The following SERINC1 variants were observed in gnomAD, a reference collection of about 807,000 sequenced individuals.
The protein encoded by SERINC1 is serine incorporator 1, also known as tumor differentially expressed protein 2.
In SERINC1, 38 loss-of-function variants were observed where a neutral mutation model predicts 52.9. That is an observed-to-expected ratio of 0.72 (90% CI 0.55 to 0.94). SERINC1 has a LOEUF of 0.94. Ranked by LOEUF, SERINC1 falls within the 40% of genes least tolerant of loss-of-function variation. SERINC1 has a pLI of 0.00. For synonymous variants in SERINC1, 198 were observed against 183.1 expected (o/e 1.08, Z -0.66); for missense variants, 471 against 533.9 (o/e 0.88, Z 1.16).
chr6:122,471,521 C>G (rs776094057), intron 1 of SERINC1, among the ~76,000 whole-genome samples, 178 bp downstream of exon 1: 5 of 152,172 alleles, frequency 3.3e-5, no homozygotes, highest in East Asian at 1.9e-4. Flanking sequence ...TCGCAAGACC[C>G]AAAGCTCTGA....
chr6:122,462,661 G>T (rs1038352073), intron 1 of SERINC1, among the ~76,000 whole-genome samples: 1 of 151,898 alleles, frequency 6.6e-6, no homozygotes, highest in East Asian at 1.9e-4. Context: ...AATGCAACTA[G>T]AACTAACTCA....
chr6:122,448,163 A>G (rs1774840449), intron 7 of SERINC1, among the ~76,000 whole-genome samples: 1 of 152,060 alleles, frequency 6.6e-6, no homozygotes, highest in Non-Finnish European at 1.5e-5. Context: ...TCTAAAATAC[A>G]TATTTTTCTC....
chr6:122,445,799 T>C (rs1211588700), intron 9 of SERINC1, among the ~76,000 whole-genome samples: 3 of 86,572 alleles, frequency 3.5e-5, no homozygotes, highest in African/African-American at 1.2e-4. Flanking sequence ...GGCAGGAGAA[T>C]GGCGTGAACC....
chr6:122,451,478 C>A (rs1774902614), intron 7 of SERINC1, among the ~76,000 whole-genome samples, 186 bp downstream of exon 7: 1 of 151,880 alleles, frequency 6.6e-6, no homozygotes, highest in African/African-American at 2.4e-5. Flanking sequence ...ATACATGTAA[C>A]CTTCTTATAA....
At chr6:122,463,069 G>A (rs1291511622) in intron 1 of SERINC1, among the ~76,000 whole-genome samples, 3 of 152,188 alleles carry the variant, frequency 2.0e-5, no homozygotes, top group Non-Finnish European at 4.4e-5. Context: ...GCATTAAAGT[G>A]ACAGTAATTA....
intron 9 of SERINC1, among the ~76,000 whole-genome samples, 171 bp from the exon 10 acceptor site, chr6:122,445,350 G>A (rs1453263661): frequency 3.9e-5 from 6 of 152,256 alleles, no homozygotes; most frequent in East Asian, 1.9e-4. Flanking sequence ...TAGTGTGAAG[G>A]TAAAAATCTG....
chr6:122,471,675 C>A (rs773447067), intron 1 of SERINC1, 24 bp downstream of exon 1: 4 of 1,614,040 alleles, frequency 2.5e-6, no homozygotes. Context: ...ACTAGCACCC[C>A]AGAGGCCGCA....
chr6:122,445,630 G>T (rs1774778963), intron 9 of SERINC1, among the ~76,000 whole-genome samples: 1 of 110,148 alleles, frequency 9.1e-6, no homozygotes, highest in Non-Finnish European at 1.7e-5. Flanking sequence ...CTTAAAAAAA[G>T]AAAGAATTAA....
At chr6:122,450,561 C>G (rs1302966633) in intron 7 of SERINC1, among the ~76,000 whole-genome samples, 1 of 152,140 alleles carries the variant, frequency 6.6e-6, no homozygotes, top group African/African-American at 2.4e-5. Flanking sequence ...TTTTGTAAGG[C>G]TATAGCTGCC....
chr6:122,457,757 C>G (rs1410941530), intron 2 of SERINC1, among the ~76,000 whole-genome samples: 1 of 151,872 alleles, frequency 6.6e-6, no homozygotes, highest in Non-Finnish European at 1.5e-5. Flanking sequence ...TTAAGCCACC[C>G]AGCCTATGAT....
rs1775041365 is a variant in SERINC1, at chr6:122,458,541, T to G, written c.180A>C (p.Gly60=). ...TAACCTTATTCAGTTGTTCTTCCAT[T>G]CCTGGTATCAACATTACACAAGCTA... is the stretch of plus-strand genomic sequence containing the variant. The part of the protein sequence containing the change: ...VCVACVMLIP[G]MEEQLNKIPG... The change falls in exon 2 of 10, where the codon GGA becomes GGC. Residue 60 remains glycine (G), a synonymous_variant. Transcript: ENST00000339697. 1 of 1,612,966 alleles carries G rather than the reference T, an allele frequency of 6.2e-7. No homozygotes were observed. The highest frequency in any genetic ancestry group is 1.7e-5 in the Admixed American group (1 of 59,958).
intron 2 of SERINC1, among the ~76,000 whole-genome samples, chr6:122,457,824 C>T (rs1582634446): frequency 8.5e-6 from 1 of 118,088 alleles, no homozygotes; most frequent in Non-Finnish European, 1.8e-5. Context: ...TATATATATA[C>T]ATGTACACGA....
intron 3 of SERINC1, among the ~76,000 whole-genome samples, chr6:122,455,386 A>G (rs1335791778): frequency 2.7e-5 from 4 of 150,112 alleles, no homozygotes; most frequent in Non-Finnish European, 4.5e-5. Flanking sequence ...CAGGGCTAGA[A>G]TATAAAGCAG....
chr6:122,459,975 A>T (rs1440606827), intron 1 of SERINC1, among the ~76,000 whole-genome samples: 1 of 152,252 alleles, frequency 6.6e-6, no homozygotes, highest in Non-Finnish European at 1.5e-5. Flanking sequence ...AACAATGGAA[A>T]AAATAAGTTT....
intron 1 of SERINC1, among the ~76,000 whole-genome samples, chr6:122,459,002 G>A (rs1299964129): frequency 6.6e-6 from 1 of 152,100 alleles, no homozygotes; most frequent in Non-Finnish European, 1.5e-5. Flanking sequence ...ATATTCATGA[G>A]TAGCACAGCT....
intron 1 of SERINC1, among the ~76,000 whole-genome samples, chr6:122,464,087 T>C (rs1329174548): frequency 6.6e-6 from 1 of 152,130 alleles, no homozygotes; most frequent in African/African-American, 2.4e-5. Context: ...ATTCCATTAA[T>C]ATGACACTCT....
At chr6:122,454,004 A>C in intron 4 of SERINC1, 97 bp from the exon 5 acceptor site, 1 of 1,377,100 alleles carries the variant, frequency 7.3e-7, no homozygotes, top group Non-Finnish European at 9.8e-7. Flanking sequence ...ATAAAATTTT[A>C]TATGAACATC....
chr6:122,462,477 C>A (rs1454654644), intron 1 of SERINC1, among the ~76,000 whole-genome samples: 3 of 152,086 alleles, frequency 2.0e-5, no homozygotes, highest in African/African-American at 7.2e-5. Context: ...CCAAAGAGGG[C>A]CATACACCAT....
At position 122,451,776 on chromosome 6, in the gene SERINC1, A is replaced by AAAAAAAAATATAT; in HGVS notation, c.760-23_760-22insATATATTTTTTTT. On this transcript the variant is annotated intron_variant, in intron 6 of 9. Transcript: ENST00000339697. ...ATTCCTACAAAAAAAAAAAAAAAAA[A>AAAAAAAAATATAT]ATATATATATATATATATAGCAACA... The AAAAAAAAATATAT allele has an allele frequency of 2.7e-3, 299 of 112,694 alleles. 4 individuals are homozygous for AAAAAAAAATATAT. The highest frequency in any genetic ancestry group is 3.4e-3 in the East Asian group (10 of 2,964). The allele number at this position is 112,694 out of a possible 1,614,324, so 7.0% of individuals were successfully genotyped here.
Sources: gnomAD v4.1 joint callset for allele counts (sites outside exome capture counted in the v4.1 genomes callset) on GRCh38, gnomAD v4.1.1 for gene constraint, MANE v1.5 for transcripts, NCBI Gene and HGNC (gene_info 2026-07-23, HGNC 2026-07-21) for gene names.